Variants in ZNF277 observed in about 807,000 individuals in gnomAD.
The protein encoded by ZNF277 is zinc finger protein 277, also known as nuclear receptor-interacting factor 4.
A neutral mutation model predicts 60.7 loss-of-function variants in ZNF277; 55 were observed. The ratio of observed to expected loss-of-function variants is 0.91; its 90% CI spans 0.73 to 1.13. ZNF277 has a LOEUF of 1.13. Among genes scored for constraint, ZNF277 ranks in the 50% most tolerant of loss-of-function variants. The pLI, the probability that ZNF277 is intolerant of heterozygous loss-of-function variation, is 0.00. For missense variants in ZNF277, 510 were observed against 523.0 expected (o/e 0.98, Z 0.24); for synonymous variants, 178 against 179.3 (o/e 0.99, Z 0.06).
Position 112,330,218 on chromosome 7 carries a change from T to G in ZNF277, c.801+2T>G. ...AGATTTTATGTCATCAATTATTTGG[T>G]AAGGCTTTCTTTTCATAACTTAAAA... On this transcript the variant is annotated splice_donor_variant, in intron 7 of 11. Coordinates refer to ENST00000361822, the MANE Select transcript of ZNF277 (RefSeq NM_021994.3). LOFTEE classifies it high-confidence loss of function. The G allele has an allele frequency of 6.2e-7, 1 of 1,612,048 alleles. No individual in the cohort carries two copies.
At chr7:112,341,856 C>T (rs1043028873) in intron 11 of ZNF277, among the ~76,000 whole-genome samples, 1 of 152,168 alleles carries the variant, frequency 6.6e-6, no homozygotes, top group African/African-American at 2.4e-5. Context: ...AGTTTTTCTC[C>T]TTCAGAAAAT....
Position 112,295,894 on chromosome 7 carries a change from T to C in ZNF277, c.319T>C (p.Phe107Leu), listed in dbSNP as rs763290699. ...QRYILYWRKR[F>L]TEQPITDFCS... The stretch of plus-strand genomic sequence containing the variant: ...GTACATTTTATATTGGAGGAAAAGG[T>C]TCACTGAACAGCCCATCACAGATTT... Residue 107 changes from phenylalanine to leucine, a missense_variant, in exon 3 of 12, where the codon TTC (phenylalanine) becomes CTC (leucine). Physicochemically the swap from Phe to Leu is conservative, Grantham distance 22. Transcript: ENST00000361822. 3 of 1,612,780 alleles carry C rather than the reference T, an allele frequency of 1.9e-6. No individual in the cohort carries two copies. Among genetic ancestry groups the C allele is most frequent in the Non-Finnish European group, 2.5e-6 (3 of 1,179,120 alleles).
Position 112,343,488 on chromosome 7 carries a change from C to A in ZNF277, c.*759C>A, listed in dbSNP as rs931164166. Reference sequence around the variant, plus strand: ...TGTTTTCAGTTTTTCCCACTTGTCTCAAAATGTATGTTTACAATATTATCA... The same window carrying A: ...TGTTTTCAGTTTTTCCCACTTGTCTAAAAATGTATGTTTACAATATTATCA... On this transcript the variant is annotated 3_prime_UTR_variant, in exon 12 of 12. Coordinates refer to ENST00000361822, the MANE Select transcript of ZNF277 (RefSeq NM_021994.3). 6.6e-6 allele frequency among the ~76,000 whole-genome samples: 1 copy of A among 152,114 alleles called. No homozygotes were observed. The highest frequency in any genetic ancestry group is 1.5e-5 in the Non-Finnish European group (1 of 68,038).
At chr7:112,291,625 GA>G (rs144421676) in intron 2 of ZNF277, among the ~76,000 whole-genome samples, 1 of 151,976 alleles carries the variant, frequency 6.6e-6, no homozygotes, top group African/African-American at 2.4e-5. Context: ...TAGTGAGTGG[GA>G]AAAAATGCCA....
intron 1 of ZNF277, among the ~76,000 whole-genome samples, chr7:112,221,422 A>T (rs182946138): frequency 3.4e-4 from 52 of 152,288 alleles, no homozygotes; most frequent in African/African-American, 1.1e-3. Context: ...TAACATTATC[A>T]TATATGGCAG....
At chr7:112,296,939 T>A (rs1792366378) in intron 4 of ZNF277, among the ~76,000 whole-genome samples, 3 of 109,434 alleles carry the variant, frequency 2.7e-5, no homozygotes, top group South Asian at 6.6e-4. Context: ...TTTTTTTTTT[T>A]TTTTTTGAGA....
intron 1 of ZNF277, among the ~76,000 whole-genome samples, chr7:112,207,918 C>A (rs1326066950): frequency 6.6e-6 from 1 of 152,092 alleles, no homozygotes; most frequent in Non-Finnish European, 1.5e-5. Flanking sequence ...TTGGTAGTCT[C>A]CTGAGTTAAA....
chr7:112,212,727 C>G (rs762166401), intron 1 of ZNF277, among the ~76,000 whole-genome samples: 3 of 152,166 alleles, frequency 2.0e-5, no homozygotes, highest in Non-Finnish European at 4.4e-5. Context: ...GCTGTCAATG[C>G]TTTCCTGGAA....
At chr7:112,223,759 T>G (rs1201708567) in intron 1 of ZNF277, among the ~76,000 whole-genome samples, 1 of 152,176 alleles carries the variant, frequency 6.6e-6, no homozygotes, top group Non-Finnish European at 1.5e-5. Context: ...TCCACTGTCT[T>G]GCCGACCCAG....
intron 1 of ZNF277, among the ~76,000 whole-genome samples, chr7:112,268,468 G>A (rs1022918837): frequency 5.3e-5 from 8 of 151,804 alleles, no homozygotes; most frequent in Non-Finnish European, 1.2e-4. Context: ...GACTTACAAT[G>A]TGTTGCTTTT....
intron 1 of ZNF277, among the ~76,000 whole-genome samples, chr7:112,277,930 C>G (rs1791847511): frequency 6.6e-6 from 1 of 152,202 alleles, no homozygotes; most frequent in Non-Finnish European, 1.5e-5. Context: ...GCTAACTTAG[C>G]TAGGCCTTCA....
At chr7:112,321,645 G>C (rs985978424) in intron 5 of ZNF277, among the ~76,000 whole-genome samples, 1 of 152,064 alleles carries the variant, frequency 6.6e-6, no homozygotes, top group Non-Finnish European at 1.5e-5. Flanking sequence ...TCTTGTTGGA[G>C]AGATCTGCTA....
At chr7:112,287,204 C>A in intron 2 of ZNF277, 130 bp downstream of exon 2, 1 of 863,762 alleles carries the variant, frequency 1.2e-6, no homozygotes, top group Non-Finnish European at 1.8e-6. Context: ...AAGATGCCAG[C>A]TCTAAAAACA....
At chr7:112,240,775 A>G (rs943282431) in intron 1 of ZNF277, among the ~76,000 whole-genome samples, 3 of 152,174 alleles carry the variant, frequency 2.0e-5, no homozygotes, top group Non-Finnish European at 2.9e-5. Context: ...TTCTTCAACA[A>G]ATGATTCTGG....
intron 1 of ZNF277, among the ~76,000 whole-genome samples, chr7:112,225,333 C>G: frequency 6.6e-6 from 1 of 152,166 alleles, no homozygotes. Context: ...AACTTCTAAC[C>G]TTGAGCTCAT....
chr7:112,296,927 T>TATTA (rs1563219782), intron 4 of ZNF277, among the ~76,000 whole-genome samples: 8 of 82,962 alleles, frequency 9.6e-5, no homozygotes, highest in Admixed American at 2.7e-4. Context: ...TTTTTTTTTT[T>TATTA]TTTTTTTTTT....
At chr7:112,263,880 A>G (rs1390627520) in intron 1 of ZNF277, among the ~76,000 whole-genome samples, 1 of 152,120 alleles carries the variant, frequency 6.6e-6, no homozygotes, top group African/African-American at 2.4e-5. Flanking sequence ...TTTTGTGTAC[A>G]GTTTATTGGG....
At chr7:112,252,203 A>T (rs1402184386) in intron 1 of ZNF277, among the ~76,000 whole-genome samples, 1 of 152,214 alleles carries the variant, frequency 6.6e-6, no homozygotes, top group Non-Finnish European at 1.5e-5. Context: ...CAGTTAATGA[A>T]AGTTCCATTG....
At chr7:112,262,192 T>C (rs1250479494) in intron 1 of ZNF277, among the ~76,000 whole-genome samples, 1 of 150,204 alleles carries the variant, frequency 6.7e-6, no homozygotes, top group Non-Finnish European at 1.5e-5. Context: ...TCAATAGATT[T>C]CGTCTTTCTT....
Sources: allele counts gnomAD v4.1 joint callset (sites outside exome capture counted in the v4.1 genomes callset), GRCh38; gene constraint gnomAD v4.1.1; transcripts MANE v1.5; gene names NCBI Gene and HGNC (gene_info 2026-07-23, HGNC 2026-07-21).